RAPGEF1: variants seen among roughly 807,000 people sequenced by gnomAD.
RAPGEF1 encodes the protein CRK SH3-binding GNRP.
In RAPGEF1, 33 loss-of-function variants were observed where a neutral mutation model predicts 143.3. The observed-to-expected ratio is 0.23, with a 90% CI of 0.17 to 0.31. The LOEUF (loss-of-function observed/expected upper bound fraction) is 0.31, where lower values mean the gene tolerates loss of function less well. Among genes scored for constraint, RAPGEF1 ranks in the 10% least tolerant of loss-of-function variants. RAPGEF1 has a pLI of 1.00. For missense variants in RAPGEF1, 1,199 were observed against 1,645.4 expected, an observed-to-expected ratio of 0.73 and a Z score of 4.69; for synonymous variants, 629 against 676.5, an observed-to-expected ratio of 0.93 and a Z score of 1.09.
intron 3 of RAPGEF1, among the ~76,000 whole-genome samples, chr9:131,645,751 G>T (rs1197875440): frequency 1.3e-5 from 2 of 152,184 alleles, no homozygotes; most frequent in Non-Finnish European, 2.9e-5. Flanking sequence ...GGGCAGGTGC[G>T]TTCACCTGCG....
At chr9:131,633,504 T>C (rs1247408867) in intron 5 of RAPGEF1, among the ~76,000 whole-genome samples, 1 of 152,218 alleles carries the variant, frequency 6.6e-6, no homozygotes, top group Non-Finnish European at 1.5e-5. Flanking sequence ...CAGGAAAACA[T>C]TCCTGGTTCT....
intron 5 of RAPGEF1, among the ~76,000 whole-genome samples, chr9:131,634,888 G>T (rs1310278359): frequency 6.6e-6 from 1 of 152,044 alleles, no homozygotes; most frequent in East Asian, 1.9e-4. Context: ...TATCTCTTTG[G>T]CCTCGAGTGG....
At chr9:131,586,285 C>CACA (rs1952767956) in intron 22 of RAPGEF1, among the ~76,000 whole-genome samples, 56 of 126,852 alleles carry the variant, frequency 4.4e-4, no homozygotes, top group Non-Finnish European at 5.9e-4. Context: ...CACACACACA[C>CACA]CTGCAGAGCC....
chr9:131,578,585 G>A lies in RAPGEF1; in HGVS notation c.*912C>T, dbSNP rs560923392. On this transcript the variant is annotated 3_prime_UTR_variant, in exon 27 of 27. Coordinates refer to ENST00000683357, the MANE Select transcript of RAPGEF1 (RefSeq NM_001377935.1). Reference sequence around the variant, plus strand: ...TGAGATGGAGTTTAAGGCACACAGCGAGCGATGGAGGAGGGAGGTGCTGGC... The same window carrying A: ...TGAGATGGAGTTTAAGGCACACAGCAAGCGATGGAGGAGGGAGGTGCTGGC... 6 of 152,608 alleles carry A rather than the reference G, an allele frequency of 3.9e-5. No homozygotes were observed. The highest frequency in any genetic ancestry group is 2.0e-4 in the Admixed American group (3 of 15,308). 9.5% of individuals were successfully genotyped at this position (152,608 alleles called of 1,614,324 possible). A position where few individuals can be genotyped will look rare whatever the true frequency, so the allele number is the denominator to read the frequency against.
At chr9:131,614,660 C>T (rs564423941) in intron 12 of RAPGEF1, among the ~76,000 whole-genome samples, 30 of 152,332 alleles carry the variant, frequency 2.0e-4, no homozygotes, top group Middle Eastern at 3.4e-3. Context: ...GGGGACTGAG[C>T]GTCTGCATGA....
intron 10 of RAPGEF1, among the ~76,000 whole-genome samples, chr9:131,625,020 C>T (rs1260169112): frequency 6.6e-6 from 1 of 152,244 alleles, no homozygotes; most frequent in Non-Finnish European, 1.5e-5. Context: ...GAATGGGGCC[C>T]AGCTCTAAGC....
Position 131,587,977 on chromosome 9 carries a change from T to C in RAPGEF1, c.3103A>G (p.Thr1035Ala). The change falls in exon 21 of 27, where the codon ACG becomes GCG. Residue 1035 changes from threonine to alanine, a missense_variant. Around this residue, in one of 6 missense-constraint regions of RAPGEF1, gnomAD observed 209 missense variants for 403.0 expected, o/e 0.52. Transcript: ENST00000683357. ...TAGAAGAGCTCAGCATCCAGCAGCG[T>C]TAGCTGCTCCGCTATCTCATGGCTG... ...FHSHEIAEQLTLLDAELFYKI... is the reference protein window; with the variant it reads ...FHSHEIAEQLALLDAELFYKI... 1 of 1,613,222 alleles carries C rather than the reference T, an allele frequency of 6.2e-7. No individual in the cohort carries two copies. The highest frequency in any genetic ancestry group is 1.1e-5 in the South Asian group (1 of 90,958).
intron 10 of RAPGEF1, 38 bp downstream of exon 10, chr9:131,625,884 A>G (rs1962857105): frequency 6.6e-7 from 1 of 1,513,588 alleles, no homozygotes; most frequent in Non-Finnish European, 8.9e-7. Context: ...TTCAGGTTAT[A>G]AAATGCACTT....
chr9:131,720,512 G>T (rs1332988284), intron 1 of RAPGEF1, among the ~76,000 whole-genome samples: 1 of 152,116 alleles, frequency 6.6e-6, no homozygotes, highest in East Asian at 1.9e-4. Context: ...AGGCGCCAGA[G>T]CCCAGAAACC....
chr9:131,652,261 G>A (rs112362733), intron 1 of RAPGEF1, among the ~76,000 whole-genome samples: 3,692 of 151,842 alleles, frequency 0.024, 151 homozygotes, highest in African/African-American at 0.084. Context: ...TTATTCTTTT[G>A]TTTTTTTGAG....
At position 131,655,944 on chromosome 9, in the gene RAPGEF1, TTA is replaced by T. The variant is rs1972363078; in HGVS notation, c.62-4997_62-4996del. Reference sequence around the variant, plus strand: ...AGTCAGAATGTTTGCATTCAAATACTTAGATATCATCTCTCTAAATCTTTCCC... The same window carrying T: ...AGTCAGAATGTTTGCATTCAAATACTGATATCATCTCTCTAAATCTTTCCC... On this transcript the variant is annotated intron_variant, in intron 1 of 26. Coordinates refer to ENST00000683357, the MANE Select transcript of RAPGEF1 (RefSeq NM_001377935.1). The surrounding 1 kb of genome is among the most constrained non-coding windows in gnomAD (Gnocchi z 4.1). Among the ~76,000 whole-genome samples the T allele has an allele frequency of 6.6e-6, 1 of 152,178 alleles. No homozygotes were observed. The highest frequency in any genetic ancestry group is 2.4e-5 in the African/African-American group (1 of 41,436).
intron 3 of RAPGEF1, among the ~76,000 whole-genome samples, chr9:131,649,859 C>T (rs909738328): frequency 4.6e-5 from 7 of 152,242 alleles, no homozygotes; most frequent in East Asian, 1.9e-4. Context: ...CCCTGGAACC[C>T]GTTGGACCCA....
chr9:131,639,594 TAACTA>T (rs1280070727), intron 4 of RAPGEF1, among the ~76,000 whole-genome samples: 1 of 152,098 alleles, frequency 6.6e-6, no homozygotes, highest in Non-Finnish European at 1.5e-5. Context: ...TATTTTTAAA[TAACTA>T]AAGATAATTT....
At chr9:131,644,945 C>T (rs1297222746) in intron 3 of RAPGEF1, among the ~76,000 whole-genome samples, 1 of 152,188 alleles carries the variant, frequency 6.6e-6, no homozygotes, top group Non-Finnish European at 1.5e-5. Flanking sequence ...AAGACCCAGT[C>T]ATTTCTTTCA....
Position 131,583,542 on chromosome 9 carries a change from C to A in RAPGEF1, c.3414+769G>T, listed in dbSNP as rs891027896. On this transcript the variant is annotated intron_variant, in intron 24 of 26. Transcript: ENST00000683357. This position sits in a 1 kb window ranked among gnomAD's most constrained non-coding sequence, Gnocchi z 4.7. The stretch of plus-strand genomic sequence containing the variant: ...GGTCTGGTCACACTCAGGTCCCTGA[C>A]ACAATCCCTGGGTGGCCTGGCTGAA... 1.3e-5 allele frequency among the ~76,000 whole-genome samples: 2 copies of A among 150,416 alleles called. No homozygotes were observed. Among genetic ancestry groups the A allele is most frequent in the African/African-American group, 2.5e-5 (1 of 40,712 alleles).
intron 1 of RAPGEF1, among the ~76,000 whole-genome samples, chr9:131,680,898 G>A (rs373784221): frequency 5.3e-5 from 8 of 152,150 alleles, no homozygotes; most frequent in African/African-American, 1.7e-4. Flanking sequence ...AGCGTCCATC[G>A]TGGGGGCTCG....
chr9:131,661,745 C>A (rs1243419215), intron 1 of RAPGEF1, among the ~76,000 whole-genome samples: 1 of 152,154 alleles, frequency 6.6e-6, no homozygotes, highest in African/African-American at 2.4e-5. Flanking sequence ...AATGTATTTA[C>A]CCATGAATAT....
chr9:131,648,110 C>T (rs1319235898), intron 3 of RAPGEF1, among the ~76,000 whole-genome samples: 1 of 152,182 alleles, frequency 6.6e-6, no homozygotes, highest in South Asian at 2.1e-4. Flanking sequence ...AAAATCCCGG[C>T]TGGGTGCGGT....
Position 131,617,056 on chromosome 9 carries a change from A to C in RAPGEF1, c.2061+1995T>G, listed in dbSNP as rs1367562541. On this transcript the variant is annotated intron_variant, in intron 12 of 26. Transcript: ENST00000683357. ...AGGCTCTTGTATGTCCCAGGGATAA[A>C]AACTATGACGTACTCATAACCAAAC... Among the ~76,000 whole-genome samples the C allele has an allele frequency of 2.0e-5, 3 of 152,204 alleles. No homozygotes were observed. The East Asian group carries it at 5.8e-4, about 29-fold the overall frequency.
Sources: allele counts gnomAD v4.1 joint callset (sites outside exome capture counted in the v4.1 genomes callset), GRCh38; gene constraint gnomAD v4.1.1; regional missense constraint gnomAD v4.1.1; non-coding constraint Gnocchi (gnomAD v3.1); transcripts MANE v1.5; gene names NCBI Gene and HGNC (gene_info 2026-07-23, HGNC 2026-07-21).